Variants in TNIK observed in about 807,000 individuals in gnomAD.
The protein encoded by TNIK is TRAF2 and NCK interacting kinase.
TNIK carries 49 observed loss-of-function variants against 191.3 expected under a neutral mutation model. The ratio of observed to expected loss-of-function variants is 0.26; its 90% CI spans 0.20 to 0.32. The LOEUF is 0.32. TNIK is among the 10% of genes least tolerant of loss of function. The probability of loss-of-function intolerance (pLI) is 1.00; values close to 1 mark genes in which losing one functional copy is unlikely to be tolerated. For synonymous variants in TNIK, 594 were observed against 600.9 expected, an observed-to-expected ratio of 0.99 and a Z score of 0.17; for missense variants, 1,155 against 1,702.3, an observed-to-expected ratio of 0.68 and a Z score of 5.66.
intron 3 of TNIK, among the ~76,000 whole-genome samples, chr3:171,213,555 C>A (rs911802003): frequency 1.3e-5 from 2 of 151,970 alleles, no homozygotes; most frequent in African/African-American, 4.8e-5. Flanking sequence ...AAAAAGCTCA[C>A]CATGTCATTA....
intron 1 of TNIK, among the ~76,000 whole-genome samples, chr3:171,370,522 T>C (rs567194079): frequency 2.0e-5 from 3 of 152,330 alleles, no homozygotes; most frequent in South Asian, 2.1e-4. Flanking sequence ...TTTCACCCCT[T>C]ACTGATTCCT....
chr3:171,417,465 T>C (rs977093503), intron 1 of TNIK, among the ~76,000 whole-genome samples: 2 of 152,228 alleles, frequency 1.3e-5, no homozygotes, highest in East Asian at 1.9e-4. Context: ...ATGAGAACTT[T>C]TATAGTTACT....
intron 12 of TNIK, among the ~76,000 whole-genome samples, chr3:171,146,055 G>T (rs1731528318): frequency 6.6e-6 from 1 of 152,100 alleles, no homozygotes; most frequent in Non-Finnish European, 1.5e-5. Context: ...TGAGTAACTG[G>T]TTTACTCTTA....
intron 2 of TNIK, among the ~76,000 whole-genome samples, chr3:171,347,928 G>A (rs1712530945): frequency 6.6e-6 from 1 of 152,128 alleles, no homozygotes; most frequent in South Asian, 2.1e-4. Flanking sequence ...TAGGCTCTAA[G>A]AAAAGAAGAC....
intron 4 of TNIK, among the ~76,000 whole-genome samples, chr3:171,199,887 C>A (rs191128144): frequency 5.3e-5 from 8 of 152,218 alleles, no homozygotes; most frequent in African/African-American, 1.4e-4. Flanking sequence ...TATAAAAATG[C>A]GAAAAGAAAG....
rs939016852 is a variant in TNIK at position 171,117,988 on chromosome 3, G to A, written c.2120+5608C>T. On this transcript the variant is annotated intron_variant, in intron 18 of 32. Transcript: ENST00000436636. ...CCGTCTCAAAAAAAAATTAGGATAA[G>A]AGGAAGTCAAATTGTCCCTGTTTGC... Among the ~76,000 whole-genome samples the A allele has an allele frequency of 2.0e-5, 3 of 152,154 alleles. No homozygotes were observed. In the East Asian group the frequency reaches 5.8e-4, roughly 30 times the overall value.
intron 1 of TNIK, among the ~76,000 whole-genome samples, chr3:171,447,402 C>A (rs1223086573): frequency 6.6e-6 from 1 of 152,108 alleles, no homozygotes; most frequent in Non-Finnish European, 1.5e-5. Flanking sequence ...TAAAACACCA[C>A]TATGCTCATG....
At chr3:171,319,092 T>C (rs1754930091) in intron 2 of TNIK, among the ~76,000 whole-genome samples, 1 of 152,112 alleles carries the variant, frequency 6.6e-6, no homozygotes, top group African/African-American at 2.4e-5. Context: ...AATGGGAAGA[T>C]TTCTGGAGCC....
chr3:171,078,949 C>T (rs1720336586), intron 28 of TNIK, among the ~76,000 whole-genome samples: 1 of 152,124 alleles, frequency 6.6e-6, no homozygotes, highest in Middle Eastern at 3.2e-3. Flanking sequence ...AAGGTAGTGG[C>T]CTAATTACTC....
In TNIK at chr3:171,400,158, T is replaced by C. The variant is rs896778735; in HGVS notation, c.58-30473A>G. ...CCATACTCTGGGCCCACAGTTCCCT[T>C]GCCATCTAGGACAAAAATCTAAGAC... On this transcript the variant is annotated intron_variant, in intron 1 of 32. Coordinates refer to ENST00000436636, the MANE Select transcript of TNIK (RefSeq NM_015028.4). Among the ~76,000 whole-genome samples, 3 of 152,334 alleles carry C rather than the reference T, an allele frequency of 2.0e-5. No individual in the cohort carries two copies. The South Asian group carries it at 6.2e-4, about 32-fold the overall frequency.
At chr3:171,090,249 T>C (rs1243807205) in intron 23 of TNIK, among the ~76,000 whole-genome samples, 2 of 152,086 alleles carry the variant, frequency 1.3e-5, no homozygotes, top group Non-Finnish European at 2.9e-5. Context: ...GCCAGAGACC[T>C]GCACATGAGA....
At chr3:171,274,208 C>T (rs1375954508) in intron 2 of TNIK, among the ~76,000 whole-genome samples, 2 of 152,242 alleles carry the variant, frequency 1.3e-5, no homozygotes, top group South Asian at 2.1e-4. Flanking sequence ...GAAACATGAA[C>T]ATCCTCATTC....
intron 21 of TNIK, among the ~76,000 whole-genome samples, chr3:171,103,333 CAT>C (rs767707199): frequency 2.6e-5 from 4 of 152,092 alleles, no homozygotes; most frequent in Non-Finnish European, 5.9e-5. Context: ...AAAACCATAA[CAT>C]AGGTATAATG....
chr3:171,083,687 A>G (rs1464595946), intron 26 of TNIK, among the ~76,000 whole-genome samples: 1 of 152,224 alleles, frequency 6.6e-6, no homozygotes, highest in East Asian at 1.9e-4. Flanking sequence ...GTAATTCACA[A>G]AAATACTCTG....
Position 171,344,365 on chromosome 3 carries a change from A to G in TNIK, c.123+25255T>C, listed in dbSNP as rs370092803. Among the ~76,000 whole-genome samples, 4 of 152,148 alleles carry G rather than the reference A, an allele frequency of 2.6e-5. No homozygotes were observed. In the East Asian group the frequency reaches 7.7e-4, roughly 29 times the overall value. ...TTTTATAGGCTATTGAACAACCACA[A>G]GAAAGTCTTGCTTCTTTGTAGGGGT... On this transcript the variant is annotated intron_variant, in intron 2 of 32. Transcript: ENST00000436636.
intron 9 of TNIK, among the ~76,000 whole-genome samples, chr3:171,169,256 CT>C (rs1279977484): frequency 6.6e-6 from 1 of 151,580 alleles, no homozygotes; most frequent in Admixed American, 6.6e-5. Context: ...GAAGGAAGTG[CT>C]TATTTTATTA....
chr3:171,395,935 T>C (rs192703655), intron 1 of TNIK, among the ~76,000 whole-genome samples: 86 of 152,234 alleles, frequency 5.6e-4, no homozygotes, highest in African/African-American at 2.0e-3. Flanking sequence ...AAAAAACAGG[T>C]TTATTAAGAT....
chr3:171,131,200 TGGTAGCGGGCGCC>T (rs1156891107), intron 15 of TNIK, among the ~76,000 whole-genome samples: 1 of 150,168 alleles, frequency 6.7e-6, no homozygotes, highest in African/African-American at 2.4e-5. Context: ...TAGCCGGGCG[TGGTAGCGGGCGCC>T]GGTAGTCCCA....
At chr3:171,212,870 A>C (rs1309326269) in intron 3 of TNIK, among the ~76,000 whole-genome samples, 1 of 150,870 alleles carries the variant, frequency 6.6e-6, no homozygotes, top group Non-Finnish European at 1.5e-5. Context: ...TATTTACTAA[A>C]ATAAGCTTTA....
Sources: allele counts gnomAD v4.1 joint callset (sites outside exome capture counted in the v4.1 genomes callset), GRCh38; gene constraint gnomAD v4.1.1; transcripts MANE v1.5; gene names NCBI Gene and HGNC (gene_info 2026-07-23, HGNC 2026-07-21).